CLK1: variants seen among roughly 807,000 people sequenced by gnomAD.
CLK1 encodes the protein CDC like kinase 1.
Under a neutral mutation model 60.9 loss-of-function variants are expected in CLK1, and 40 were observed. That is an observed-to-expected ratio of 0.66 (90% CI 0.51 to 0.86). The LOEUF (loss-of-function observed/expected upper bound fraction) is 0.86. Ranked by LOEUF, CLK1 falls within the 40% of genes least tolerant of loss-of-function variation. CLK1 has a pLI of 0.00. For missense variants in CLK1, 563 were observed against 606.1 expected, an observed-to-expected ratio of 0.93 and a Z score of 0.75; for synonymous variants, 203 against 184.4, an observed-to-expected ratio of 1.10 and a Z score of -0.82.
intron 1 of CLK1, among the ~76,000 whole-genome samples, chr2:200,863,618 G>A (rs1488611121): frequency 6.6e-6 from 1 of 152,146 alleles, no homozygotes; most frequent in African/African-American, 2.4e-5. Flanking sequence ...AGCACTTTGG[G>A]AGGCCGAAGC....
rs1431311066 is a variant in CLK1, at chr2:200,861,855, T to G, written c.8A>C (p.His3Pro). Reference sequence around the variant, plus strand: ...ATCAGGACAGTAAGTTCTCTTTGAGTGTCTCATCTACATAAAAGGCAAGTT... The same window carrying G: ...ATCAGGACAGTAAGTTCTCTTTGAGGGTCTCATCTACATAAAAGGCAAGTT... Reference protein sequence around the residue: MRHSKRTYCPDWD... With the variant: MRPSKRTYCPDWD... The change falls in exon 2 of 13, where the codon CAC becomes CCC. Residue 3 changes from histidine (H) to proline (P), a missense_variant. Around this residue, in one of 3 missense-constraint regions of CLK1, gnomAD observed 198 missense variants for 179.2 expected, o/e 1.10. Coordinates refer to ENST00000321356, the MANE Select transcript of CLK1 (RefSeq NM_004071.4). 2 of 1,613,910 alleles carry G rather than the reference T, an allele frequency of 1.2e-6. No individual in the cohort carries two copies. The highest frequency in any genetic ancestry group is 1.7e-6 in the Non-Finnish European group (2 of 1,179,942).
chr2:200,855,735 G>A (rs1426248449), intron 9 of CLK1, among the ~76,000 whole-genome samples: 2 of 151,236 alleles, frequency 1.3e-5, no homozygotes, highest in Non-Finnish European at 3.0e-5. Flanking sequence ...ATGGCCGGGC[G>A]CAGTGGCTTA....
At chr2:200,854,409 G>A (rs991795048) in intron 11 of CLK1, among the ~76,000 whole-genome samples, 1 of 151,756 alleles carries the variant, frequency 6.6e-6, no homozygotes, top group African/African-American at 2.4e-5. Context: ...GGTGGCGAGT[G>A]CCTGTAGTCC....
intron 1 of CLK1, chr2:200,864,012 G>A (rs1363602266): frequency 5.6e-6 from 8 of 1,419,788 alleles, no homozygotes; most frequent in East Asian, 2.7e-5. Flanking sequence ...CACCACTGAG[G>A]ACAAAGCCAC....
intron 1 of CLK1, chr2:200,863,027 G>A (rs1000347458): frequency 5.9e-5 from 9 of 152,186 alleles, no homozygotes; most frequent in African/African-American, 1.9e-4. Context: ...GAAATGCTTC[G>A]AGCAAAATCG....
intron 5 of CLK1, 30 bp downstream of exon 5, chr2:200,859,650 C>G: frequency 6.3e-7 from 1 of 1,598,686 alleles, no homozygotes; most frequent in Non-Finnish European, 8.6e-7. Flanking sequence ...GCCAACTTCC[C>G]TAAAAGTAAT....
In CLK1 at chr2:200,857,174, C is replaced by T. The variant is rs139417947; in HGVS notation, c.833-189G>A. On this transcript the variant is annotated intron_variant, in intron 7 of 12. Transcript: ENST00000321356. ...TACAAAAATTGGCCGGGTGTGGTGG[C>T]GTGTGCCTGTAGTCCTAGCTACTCG... 3,549 of 571,584 alleles carry T rather than the reference C, an allele frequency of 6.2e-3. 10 individuals are homozygous for T. The highest frequency in any genetic ancestry group is 1.0e-2 in the Middle Eastern group (21 of 2,106). The allele number at this position is 571,584 out of a possible 1,614,324, so 35.4% of individuals were successfully genotyped here.
intron 12 of CLK1, 25 bp from the exon 13 acceptor site, chr2:200,853,474 C>G: frequency 6.3e-7 from 1 of 1,595,240 alleles, no homozygotes; most frequent in Non-Finnish European, 8.5e-7. Flanking sequence ...GAAATTCATT[C>G]AACAGCCTTT....
At chr2:200,854,488 G>A in intron 11 of CLK1, 128 bp downstream of exon 11, 2 of 604,560 alleles carry the variant, frequency 3.3e-6, no homozygotes, top group South Asian at 2.0e-5. Context: ...TTGAGCCGAG[G>A]TCACGCCACT....
intron 1 of CLK1, chr2:200,863,953 C>A: frequency 2.2e-6 from 2 of 899,978 alleles, no homozygotes; most frequent in Non-Finnish European, 3.1e-6. Context: ...CCTTCAAATA[C>A]ACCCCAGCAT....
At chr2:200,856,297 C>T (rs1210939158) in intron 9 of CLK1, among the ~76,000 whole-genome samples, 3 of 152,038 alleles carry the variant, frequency 2.0e-5, no homozygotes, top group African/African-American at 7.2e-5. Context: ...GTCTCGATTT[C>T]CTGACCATGT....
chr2:200,854,982 GA>G (rs2039014931), intron 10 of CLK1, 21 bp downstream of exon 10: 1 of 1,580,854 alleles, frequency 6.3e-7, no homozygotes, highest in African/African-American at 1.4e-5. Flanking sequence ...AAGCAAGGTT[GA>G]AATAGATCAT....
chr2:200,861,898 AC>A, intron 1 of CLK1, 36 bp from the exon 2 acceptor site: 2 of 1,594,238 alleles, frequency 1.3e-6, no homozygotes, highest in Non-Finnish European at 1.7e-6. Flanking sequence ...GTTAAATTGT[AC>A]CCCACACTGA....
chr2:200,855,761 C>T (rs1043068592), intron 9 of CLK1, among the ~76,000 whole-genome samples: 9 of 152,028 alleles, frequency 5.9e-5, no homozygotes, highest in African/African-American at 2.2e-4. Context: ...GTAATCCCAG[C>T]ACTTTGCAAA....
At chr2:200,853,689 A>G (rs1342573262) in intron 12 of CLK1, among the ~76,000 whole-genome samples, 6 of 148,728 alleles carry the variant, frequency 4.0e-5, no homozygotes, top group African/African-American at 1.5e-4. Flanking sequence ...GAAAAAAAAA[A>G]AAAAAAAAAA....
chr2:200,858,171 T>G, intron 5 of CLK1, 82 bp from the exon 6 acceptor site: 1 of 892,772 alleles, frequency 1.1e-6, no homozygotes. Context: ...ACTGTACTAC[T>G]ACTCTGACCC....
chr2:200,854,909 T>A, intron 10 of CLK1, 95 bp downstream of exon 10: 1 of 914,398 alleles, frequency 1.1e-6, no homozygotes, highest in Non-Finnish European at 1.7e-6. Context: ...TATCTACAAT[T>A]AATAGTCTAT....
intron 11 of CLK1, chr2:200,854,220 T>C (rs2039000171): frequency 7.5e-6 from 3 of 399,052 alleles, no homozygotes; most frequent in South Asian, 7.9e-5. Flanking sequence ...TGAGACTTGG[T>C]AGAGTGAAAA....
At chr2:200,863,908 A>T (rs571809066) in intron 1 of CLK1, among the ~76,000 whole-genome samples, 59 of 152,328 alleles carry the variant, frequency 3.9e-4, no homozygotes, top group African/African-American at 1.4e-3. Flanking sequence ...GCCATCGCAT[A>T]AAATTCTCGG....
Sources: allele counts gnomAD v4.1 joint callset (sites outside exome capture counted in the v4.1 genomes callset), GRCh38; gene constraint gnomAD v4.1.1; regional missense constraint gnomAD v4.1.1; transcripts MANE v1.5; gene names NCBI Gene and HGNC (gene_info 2026-07-23, HGNC 2026-07-21).